SLC24A4: variants seen among roughly 807,000 people sequenced by gnomAD.
The protein encoded by SLC24A4 is sodium/potassium/calcium exchanger 4.
A neutral mutation model predicts 79.0 loss-of-function variants in SLC24A4; 53 were observed. The observed-to-expected ratio is 0.67, with a 90% confidence interval of 0.54 to 0.84. The LOEUF (loss-of-function observed/expected upper bound fraction) is 0.84. Ranked by LOEUF, SLC24A4 falls within the 40% of genes least tolerant of loss-of-function variation. The pLI, the probability that SLC24A4 is intolerant of heterozygous loss-of-function variation, is 0.00. For synonymous variants in SLC24A4, 323 were observed against 323.8 expected (o/e 1.00, Z 0.03); for missense variants, 731 against 822.0 (o/e 0.89, Z 1.35).
intron 2 of SLC24A4, among the ~76,000 whole-genome samples, chr14:92,400,848 G>C (rs1405870300): frequency 6.6e-6 from 1 of 152,206 alleles, no homozygotes; most frequent in East Asian, 1.9e-4. Flanking sequence ...GCATATGCAA[G>C]ATAGAAAGAG....
intron 2 of SLC24A4, among the ~76,000 whole-genome samples, chr14:92,417,145 CAG>C (rs1162064224): frequency 1.3e-5 from 2 of 152,132 alleles, no homozygotes; most frequent in Middle Eastern, 3.2e-3. Flanking sequence ...GGACCATGTA[CAG>C]TCATGCACCA....
intron 12 of SLC24A4, among the ~76,000 whole-genome samples, chr14:92,465,563 G>A (rs1894056772): frequency 6.6e-6 from 1 of 152,168 alleles, no homozygotes; most frequent in African/African-American, 2.4e-5. Flanking sequence ...ATCGGCACCA[G>A]CCGAGGGAGC....
chr14:92,489,129 A>G (rs1404334570), intron 14 of SLC24A4, among the ~76,000 whole-genome samples: 1 of 152,036 alleles, frequency 6.6e-6, no homozygotes, highest in Non-Finnish European at 1.5e-5. Context: ...CAGGGACTCC[A>G]ACAAACATGG....
At chr14:92,481,589 A>G (rs1895075811) in intron 12 of SLC24A4, among the ~76,000 whole-genome samples, 1 of 152,190 alleles carries the variant, frequency 6.6e-6, no homozygotes, top group Admixed American at 6.5e-5. Context: ...CTGTTTTTCA[A>G]TGTGGTTGCA....
chr14:92,359,187 C>T (rs753663553), intron 2 of SLC24A4, among the ~76,000 whole-genome samples: 12 of 152,192 alleles, frequency 7.9e-5, no homozygotes, highest in Admixed American at 1.3e-4. Flanking sequence ...CTTACCTAGT[C>T]TAGTTGAAGA....
chr14:92,322,936 G>A (rs1316542106), upstream of SLC24A4, among the ~76,000 whole-genome samples: 1 of 152,182 alleles, frequency 6.6e-6, no homozygotes, highest in Non-Finnish European at 1.5e-5. Flanking sequence ...CAGCCTCAGA[G>A]GGTAAAGGAA....
intron 12 of SLC24A4, chr14:92,462,527 A>G (rs1893874627): frequency 6.6e-6 from 1 of 152,260 alleles, no homozygotes; most frequent in South Asian, 2.1e-4. Context: ...CCTCCCGAGT[A>G]GCTGGGAGTA....
intron 2 of SLC24A4, among the ~76,000 whole-genome samples, chr14:92,420,439 A>G (rs1481889346): frequency 6.6e-6 from 1 of 152,196 alleles, no homozygotes; most frequent in Non-Finnish European, 1.5e-5. Flanking sequence ...AGATCGTGCC[A>G]CTGCACTCCA....
chr14:92,456,589 G>T lies in SLC24A4; in HGVS notation c.1236G>T (p.Leu412=). Residue 412 remains leucine (L), a synonymous_variant, in exon 12 of 17, where the codon CTG becomes CTT. Coordinates refer to ENST00000532405, the MANE Select transcript of SLC24A4 (RefSeq NM_153646.4). ...PEPEPVEADF[L]SPFSVPEARG... ...CAGAGCCGGTGGAGGCTGACTTCCTGTCCCCCTTCTCCGTGCCGGGTGAGT... is the reference window on the plus strand; with the variant it reads ...CAGAGCCGGTGGAGGCTGACTTCCTTTCCCCCTTCTCCGTGCCGGGTGAGT... The T allele has an allele frequency of 6.2e-7, 1 of 1,613,676 alleles. No homozygotes were observed. The highest frequency in any genetic ancestry group is 8.5e-7 in the Non-Finnish European group (1 of 1,179,892).
intron 3 of SLC24A4, among the ~76,000 whole-genome samples, chr14:92,434,476 G>T (rs1359235941): frequency 6.6e-6 from 1 of 152,144 alleles, no homozygotes; most frequent in Non-Finnish European, 1.5e-5. Flanking sequence ...GACATATTCA[G>T]TATCACTGTT....
intron 2 of SLC24A4, among the ~76,000 whole-genome samples, chr14:92,339,451 G>A (rs1787318458): frequency 6.6e-6 from 1 of 151,952 alleles, no homozygotes; most frequent in South Asian, 2.1e-4. Flanking sequence ...AGGGTAGATG[G>A]TGGTGGTCTG....
At chr14:92,424,831 A>G (rs1310113629) in intron 2 of SLC24A4, among the ~76,000 whole-genome samples, 1 of 152,178 alleles carries the variant, frequency 6.6e-6, no homozygotes, top group Non-Finnish European at 1.5e-5. Flanking sequence ...GCAGAGAACT[A>G]TGATTATGTC....
At chr14:92,423,100 C>T (rs1053201232) in intron 2 of SLC24A4, among the ~76,000 whole-genome samples, 8 of 151,956 alleles carry the variant, frequency 5.3e-5, no homozygotes, top group Non-Finnish European at 1.0e-4. Flanking sequence ...TGTGAGCTGC[C>T]GCACCCAGCC....
At chr14:92,404,008 T>C (rs867402446) in intron 2 of SLC24A4, among the ~76,000 whole-genome samples, 1 of 152,198 alleles carries the variant, frequency 6.6e-6, no homozygotes, top group African/African-American at 2.4e-5. Context: ...GAATTGCATT[T>C]TTAGAGAAGA....
chr14:92,442,876 C>G (rs929805621), intron 6 of SLC24A4, 60 bp downstream of exon 6: 1 of 1,392,354 alleles, frequency 7.2e-7, no homozygotes, highest in Non-Finnish European at 1.0e-6. Context: ...GGATGAGCCT[C>G]TAATGACAAG....
chr14:92,395,429 CAAA>C (rs367990994), intron 2 of SLC24A4, among the ~76,000 whole-genome samples: 21 of 95,128 alleles, frequency 2.2e-4, no homozygotes, highest in African/African-American at 1.0e-3. Flanking sequence ...CAAAACAAAA[CAAA>C]ACACACACAC....
Position 92,336,487 on chromosome 14 carries a change from C to T in SLC24A4, c.241+10509C>T, listed in dbSNP as rs549731524. Among the ~76,000 whole-genome samples the T allele has an allele frequency of 8.9e-4, 135 of 152,298 alleles. 2 individuals carry two copies. Among genetic ancestry groups the T allele is most frequent in the African/African-American group, 2.9e-3 (121 of 41,560 alleles). On this transcript the variant is annotated intron_variant, in intron 2 of 16. Transcript: ENST00000532405. ...CCGGTTGGAGGTGGGAACGCATGGC[C>T]GCCTGGTTTCTGGACCTACAGCTTC...
chr14:92,417,738 A>T (rs779668674), intron 2 of SLC24A4, among the ~76,000 whole-genome samples: 9 of 152,226 alleles, frequency 5.9e-5, no homozygotes, highest in Non-Finnish European at 1.3e-4. Flanking sequence ...CTGTGTTTAG[A>T]TACACAAATG....
chr14:92,386,243 C>T (rs1379008316), intron 2 of SLC24A4, among the ~76,000 whole-genome samples: 5 of 151,994 alleles, frequency 3.3e-5, no homozygotes, highest in South Asian at 2.1e-4. Flanking sequence ...TTGTGACAAG[C>T]GTGGGAGTGA....
Sources: allele counts gnomAD v4.1 joint callset (sites outside exome capture counted in the v4.1 genomes callset), GRCh38; gene constraint gnomAD v4.1.1; transcripts MANE v1.5; gene names NCBI Gene and HGNC (gene_info 2026-07-23, HGNC 2026-07-21).